KIAA1958: variants seen among roughly 807,000 people sequenced by gnomAD.
KIAA1958 encodes KIAA1958.
A neutral mutation model predicts 47.2 loss-of-function variants in KIAA1958; 14 were observed. The ratio of observed to expected loss-of-function variants is 0.30; its 90% confidence interval spans 0.20 to 0.46. KIAA1958 has a LOEUF of 0.46. Among genes scored for constraint, KIAA1958 ranks in the 20% least tolerant of loss-of-function variants. KIAA1958 has a pLI of 1.00. For synonymous variants in KIAA1958, 354 were observed against 353.3 expected, an observed-to-expected ratio of 1.00 and a Z score of -0.02; for missense variants, 803 against 909.2, an observed-to-expected ratio of 0.88 and a Z score of 1.50.
intron 1 of KIAA1958, among the ~76,000 whole-genome samples, chr9:112,501,276 C>T (rs1012233452): frequency 7.0e-6 from 1 of 143,506 alleles, no homozygotes; most frequent in Non-Finnish European, 1.5e-5. Flanking sequence ...CTTGTCTTTA[C>T]AAAAAAAAAA....
rs562851755 is a variant in KIAA1958, at chr9:112,571,684, C to T, written c.-24-2373C>T. On this transcript the variant is annotated intron_variant, in intron 1 of 3. Transcript: ENST00000337530. ...TTCAAAACAGACTGGGGTGCAGTAG[C>T]TCATGCCTGTAATCCCTGAGCTTTG... is the stretch of plus-strand genomic sequence containing the variant. Among the ~76,000 whole-genome samples, 6 of 152,066 alleles carry T rather than the reference C, an allele frequency of 3.9e-5. No individual in the cohort carries two copies. The East Asian group carries it at 1.2e-3, about 29-fold the overall frequency.
intron 1 of KIAA1958, among the ~76,000 whole-genome samples, chr9:112,563,907 T>C (rs10981445): frequency 0.54 from 82,591 of 151,922 alleles, 22,489 homozygotes; most frequent in African/African-American, 0.57. Flanking sequence ...CCTACCATTA[T>C]TAGTTTGCTA....
At chr9:112,629,580 CATCTT>C (rs1836674862) in intron 2 of KIAA1958, among the ~76,000 whole-genome samples, 1 of 152,162 alleles carries the variant, frequency 6.6e-6, no homozygotes, top group African/African-American at 2.4e-5. Flanking sequence ...AGAGTACTCT[CATCTT>C]TATTTTGCTG....
At chr9:112,591,326 C>A (rs148077442) in intron 2 of KIAA1958, among the ~76,000 whole-genome samples, 1 of 152,094 alleles carries the variant, frequency 6.6e-6, no homozygotes, top group Non-Finnish European at 1.5e-5. Flanking sequence ...CCTCATGATC[C>A]GCCCGTCTCG....
intron 1 of KIAA1958, among the ~76,000 whole-genome samples, chr9:112,509,480 G>A (rs1367434841): frequency 6.6e-6 from 1 of 152,136 alleles, no homozygotes; most frequent in Non-Finnish European, 1.5e-5. Flanking sequence ...ATTCTTAATG[G>A]GGGAAACACT....
chr9:112,555,422 C>G (rs960320086), intron 1 of KIAA1958, among the ~76,000 whole-genome samples: 3 of 152,204 alleles, frequency 2.0e-5, no homozygotes, highest in African/African-American at 7.2e-5. Context: ...TGTTCACCCT[C>G]CTGCCTTGAT....
rs545823952 is a variant in KIAA1958 at position 112,665,226 on chromosome 9, T to G, written c.*5157T>G. 6.6e-6 allele frequency: 1 copy of G among 152,220 alleles called. No individual in the cohort carries two copies. The highest frequency in any genetic ancestry group is 1.5e-5 in the Non-Finnish European group (1 of 68,042). The allele number at this position is 152,220 out of a possible 1,614,324, so 9.4% of individuals were successfully genotyped here. A position where few individuals can be genotyped will look rare whatever the true frequency, so the allele number is the denominator to read the frequency against. ...ATACTTGGTGGTCAATAGAACTGAT[T>G]TGATTAACTTTCATTTAACTGTGGT... On this transcript the variant is annotated 3_prime_UTR_variant, in exon 4 of 4. Coordinates refer to ENST00000337530, the MANE Select transcript of KIAA1958 (RefSeq NM_133465.4).
intron 1 of KIAA1958, among the ~76,000 whole-genome samples, chr9:112,560,009 ATGAT>A (rs1315799435): frequency 2.0e-5 from 3 of 152,134 alleles, no homozygotes; most frequent in East Asian, 1.9e-4. Context: ...AAAAACATGA[ATGAT>A]TGGGAAAGTT....
chr9:112,512,385 A>C lies in KIAA1958; in HGVS notation c.-25+25267A>C, dbSNP rs1834337740. On this transcript the variant is annotated intron_variant, in intron 1 of 3. Coordinates refer to ENST00000337530, the MANE Select transcript of KIAA1958 (RefSeq NM_133465.4). ...CAGTTTATTATATTAACAGGCTAAA[A>C]AAGAAAACCATATGATCATTTGATT... 1.3e-5 allele frequency among the ~76,000 whole-genome samples: 2 copies of C among 152,212 alleles called. 1 individual carries two copies. Among genetic ancestry groups the C allele is most frequent in the African/African-American group, 4.8e-5 (2 of 41,458 alleles).
chr9:112,505,392 G>T (rs1424633133), intron 1 of KIAA1958, among the ~76,000 whole-genome samples: 2 of 152,192 alleles, frequency 1.3e-5, no homozygotes, highest in African/African-American at 4.8e-5. Flanking sequence ...AGCCCATGGG[G>T]TTGTCGTGAG....
chr9:112,647,118 A>G (rs1283715777), intron 3 of KIAA1958, among the ~76,000 whole-genome samples: 2 of 152,104 alleles, frequency 1.3e-5, no homozygotes, highest in Non-Finnish European at 2.9e-5. Flanking sequence ...TACACTACAT[A>G]GTGTGAGGGG....
rs1837343539 is a variant in KIAA1958, at chr9:112,665,644, G to GTA, written c.*5577_*5578dup. ...AAGCCATACTGTGTCACCCCTCCAT[G>GTA]TATTCTCTTACTAAATGATTGCTCA... On this transcript the variant is annotated 3_prime_UTR_variant, in exon 4 of 4. Coordinates refer to ENST00000337530, the MANE Select transcript of KIAA1958 (RefSeq NM_133465.4). 6.6e-6 allele frequency: 1 copy of GTA among 152,152 alleles called. No individual in the cohort carries two copies. Among genetic ancestry groups the GTA allele is most frequent in the Admixed American group, 6.6e-5 (1 of 15,266 alleles). 9.4% of individuals were successfully genotyped at this position (152,152 alleles called of 1,614,324 possible).
chr9:112,572,868 G>A (rs1261228411), intron 1 of KIAA1958, among the ~76,000 whole-genome samples: 2 of 152,214 alleles, frequency 1.3e-5, no homozygotes, highest in Non-Finnish European at 2.9e-5. Context: ...GCGCCATGGA[G>A]TCAGGGCAGG....
chr9:112,493,107 G>A (rs1255634666), intron 1 of KIAA1958, among the ~76,000 whole-genome samples: 1 of 151,880 alleles, frequency 6.6e-6, no homozygotes, highest in Non-Finnish European at 1.5e-5. Context: ...GCCAAATTCA[G>A]TGGAAGTGCT....
At position 112,663,516 on chromosome 9, in the gene KIAA1958, A is replaced by G. The variant is rs964185290; in HGVS notation, c.*3447A>G. On this transcript the variant is annotated 3_prime_UTR_variant, in exon 4 of 4. Transcript: ENST00000337530. ...GTTAAACTTGAAGAAGAAACCAAAC[A>G]TGATAATCTGGTCAAGTTAACACAT... The G allele has an allele frequency of 6.6e-6, 1 of 152,184 alleles. No individual in the cohort carries two copies. Among genetic ancestry groups the G allele is most frequent in the Non-Finnish European group, 1.5e-5 (1 of 68,028 alleles). 9.4% of individuals were successfully genotyped at this position (152,184 alleles called of 1,614,324 possible). A position where few individuals can be genotyped will look rare whatever the true frequency, so the allele number is the denominator to read the frequency against.
chr9:112,575,336 G>C lies in KIAA1958; in HGVS notation c.1171+85G>C. ...CAGCACTTCTAAAACCATTCACTCA[G>C]TTTGCTAGAATTCAGTCCTTTGTTA... On this transcript the variant is annotated intron_variant, in intron 2 of 3. Transcript: ENST00000337530. The C allele has an allele frequency of 3.3e-6, 3 of 901,980 alleles. No individual in the cohort carries two copies. In the South Asian group the frequency reaches 6.0e-5, roughly 18 times the overall value. 55.9% of individuals were successfully genotyped at this position (901,980 alleles called of 1,614,324 possible).
intron 2 of KIAA1958, among the ~76,000 whole-genome samples, chr9:112,627,010 G>A (rs185113984): frequency 4.6e-5 from 7 of 152,116 alleles, no homozygotes; most frequent in Non-Finnish European, 1.0e-4. Flanking sequence ...GTGTTAAAAG[G>A]CTGTGCCAGT....
intron 1 of KIAA1958, among the ~76,000 whole-genome samples, chr9:112,494,762 C>T (rs1252140550): frequency 6.6e-6 from 1 of 152,130 alleles, no homozygotes; most frequent in African/African-American, 2.4e-5. Flanking sequence ...GCCACCGTAT[C>T]TGGTGGTACC....
intron 3 of KIAA1958, among the ~76,000 whole-genome samples, chr9:112,658,245 A>G (rs1334698256): frequency 1.3e-5 from 2 of 152,250 alleles, no homozygotes; most frequent in African/African-American, 2.4e-5. Flanking sequence ...GATAAATTCA[A>G]TGGAAAAATC....
Sources: gnomAD v4.1 joint callset for allele counts (sites outside exome capture counted in the v4.1 genomes callset) on GRCh38, gnomAD v4.1.1 for gene constraint, MANE v1.5 for transcripts, NCBI Gene and HGNC (gene_info 2026-07-23, HGNC 2026-07-21) for gene names.